The following PLEKHM3 variants were observed in gnomAD, a reference collection of about 807,000 sequenced individuals.
The protein encoded by PLEKHM3 is pleckstrin homology domain-containing family M member 3.
Under a neutral mutation model 81.8 loss-of-function variants are expected in PLEKHM3, and 45 were observed. The ratio of observed to expected loss-of-function variants is 0.55; its 90% CI spans 0.43 to 0.71. The LOEUF (loss-of-function observed/expected upper bound fraction) is 0.71. PLEKHM3 is among the 30% of genes least tolerant of loss of function. The pLI, the probability that PLEKHM3 is intolerant of heterozygous loss-of-function variation, is 0.00. For missense variants in PLEKHM3, 788 were observed against 924.3 expected (o/e 0.85, Z 1.91); for synonymous variants, 352 against 356.4 (o/e 0.99, Z 0.14).
chr2:207,989,306 A>C (rs146195779), intron 2 of PLEKHM3, among the ~76,000 whole-genome samples: 92 of 152,354 alleles, frequency 6.0e-4, no homozygotes, highest in Middle Eastern at 3.4e-3. Flanking sequence ...AGAGCCTTCT[A>C]ACACGCAAGA....
chr2:207,985,783 G>A (rs1458988724), intron 2 of PLEKHM3, among the ~76,000 whole-genome samples: 2 of 151,920 alleles, frequency 1.3e-5, no homozygotes, highest in Admixed American at 6.6e-5. Flanking sequence ...TCAGGAGATC[G>A]AGACCATCCT....
intron 3 of PLEKHM3, among the ~76,000 whole-genome samples, chr2:207,958,482 C>T (rs1256983909): frequency 6.6e-6 from 1 of 152,170 alleles, no homozygotes; most frequent in Non-Finnish European, 1.5e-5. Context: ...CAACATGGGG[C>T]TACCAGGATT....
At chr2:207,975,774 T>G (rs1341677878) in intron 3 of PLEKHM3, among the ~76,000 whole-genome samples, 1 of 151,702 alleles carries the variant, frequency 6.6e-6, no homozygotes, top group Non-Finnish European at 1.5e-5. Flanking sequence ...TTTTTGCACT[T>G]TTAGTAGAGA....
intron 2 of PLEKHM3, among the ~76,000 whole-genome samples, chr2:207,985,587 C>T (rs193146669): frequency 6.6e-6 from 1 of 152,074 alleles, no homozygotes; most frequent in Admixed American, 6.5e-5. Flanking sequence ...TAAATACATT[C>T]AGATAAAGTA....
chr2:207,972,535 C>T (rs10186630), intron 3 of PLEKHM3, among the ~76,000 whole-genome samples: 2,641 of 148,902 alleles, frequency 0.018, 82 homozygotes, highest in African/African-American at 0.062. Flanking sequence ...TGCAGTGAGC[C>T]GAGATCATAA....
intron 7 of PLEKHM3, among the ~76,000 whole-genome samples, chr2:207,859,863 C>T (rs2092457769): frequency 1.3e-5 from 2 of 152,202 alleles, no homozygotes; most frequent in South Asian, 2.1e-4. Context: ...TCCCAAAGTG[C>T]TGGGATTACA....
At chr2:207,887,623 A>C (rs1009681557) in intron 6 of PLEKHM3, among the ~76,000 whole-genome samples, 4 of 152,254 alleles carry the variant, frequency 2.6e-5, no homozygotes, top group Non-Finnish European at 4.4e-5. Context: ...ATCAGTAAAC[A>C]ATCAAATAAA....
chr2:207,839,632 T>C (rs1396944917), intron 7 of PLEKHM3, among the ~76,000 whole-genome samples: 2 of 152,136 alleles, frequency 1.3e-5, no homozygotes, highest in African/African-American at 2.4e-5. Context: ...CTAGAGAATT[T>C]GTTAGAAAGG....
At chr2:207,846,980 A>C (rs1343096962) in intron 7 of PLEKHM3, among the ~76,000 whole-genome samples, 1 of 152,234 alleles carries the variant, frequency 6.6e-6, no homozygotes, top group Non-Finnish European at 1.5e-5. Flanking sequence ...TTAGAAAGTT[A>C]AAATGAGTTA....
At chr2:207,949,078 G>A (rs974864348) in intron 3 of PLEKHM3, among the ~76,000 whole-genome samples, 1 of 152,090 alleles carries the variant, frequency 6.6e-6, no homozygotes, top group African/African-American at 2.4e-5. Context: ...GTACTATCTG[G>A]CACATGTACA....
intron 7 of PLEKHM3, among the ~76,000 whole-genome samples, chr2:207,844,345 C>A (rs2092371215): frequency 6.7e-6 from 1 of 149,286 alleles, no homozygotes; most frequent in Admixed American, 6.7e-5. Flanking sequence ...CTCTGTTGCC[C>A]AGGCTGGAGT....
intron 3 of PLEKHM3, among the ~76,000 whole-genome samples, chr2:207,949,201 G>T (rs1411550905): frequency 6.6e-6 from 1 of 152,176 alleles, no homozygotes; most frequent in Non-Finnish European, 1.5e-5. Flanking sequence ...TAATATCGCT[G>T]TTAAAATATG....
rs1400868315 is a variant in PLEKHM3, at chr2:207,844,365, C to T, written c.2109-15869G>A. ...TTGCCCAGGCTGGAGTGCAGTGGCGCGATCTCGGCTCACTGCAAGCTCCGC... is the reference window on the plus strand; with the variant it reads ...TTGCCCAGGCTGGAGTGCAGTGGCGTGATCTCGGCTCACTGCAAGCTCCGC... On this transcript the variant is annotated intron_variant, in intron 7 of 7. Transcript: ENST00000427836. 2.7e-5 allele frequency among the ~76,000 whole-genome samples: 4 copies of T among 148,412 alleles called. No individual in the cohort carries two copies. The East Asian group carries it at 6.0e-4, about 22-fold the overall frequency.
At chr2:207,846,872 T>C (rs1029586937) in intron 7 of PLEKHM3, among the ~76,000 whole-genome samples, 8 of 152,202 alleles carry the variant, frequency 5.3e-5, no homozygotes, top group African/African-American at 1.9e-4. Context: ...TATTTAAAAA[T>C]ACATATGTGT....
chr2:207,888,210 T>G (rs914174447), intron 6 of PLEKHM3, among the ~76,000 whole-genome samples: 2 of 152,230 alleles, frequency 1.3e-5, no homozygotes, highest in African/African-American at 4.8e-5. Flanking sequence ...ATTGCTAGGC[T>G]GCTTCTCCTC....
intron 7 of PLEKHM3, among the ~76,000 whole-genome samples, chr2:207,840,802 T>TC (rs1559202741): frequency 2.9e-5 from 4 of 140,114 alleles, no homozygotes; most frequent in African/African-American, 1.0e-4. Context: ...TTTTTATGTT[T>TC]TTTTTTTTTT....
In PLEKHM3 at chr2:207,822,606, C is replaced by T. The variant is rs1445492140; in HGVS notation, c.*5713G>A. ...AGAAGCCAATGTTTGTACCATTCTA[C>T]TTTAACGACGTGTTTCCGACATGAT... On this transcript the variant is annotated 3_prime_UTR_variant, in exon 8 of 8. Coordinates refer to ENST00000427836, the MANE Select transcript of PLEKHM3 (RefSeq NM_001080475.3). 1.3e-5 allele frequency: 2 copies of T among 152,784 alleles called. No homozygotes were observed. The highest frequency in any genetic ancestry group is 2.4e-5 in the African/African-American group (1 of 41,452). 9.5% of individuals were successfully genotyped at this position (152,784 alleles called of 1,614,324 possible).
chr2:208,015,999 G>C (rs528299084), intron 1 of PLEKHM3, among the ~76,000 whole-genome samples: 1 of 152,176 alleles, frequency 6.6e-6, no homozygotes, highest in Middle Eastern at 3.4e-3. Flanking sequence ...TTCGAGACCA[G>C]CCTGGCCAAA....
chr2:207,941,221 T>TAC (rs1689929186), intron 4 of PLEKHM3, among the ~76,000 whole-genome samples: 1 of 152,142 alleles, frequency 6.6e-6, no homozygotes, highest in Non-Finnish European at 1.5e-5. Flanking sequence ...GTAACACACT[T>TAC]ACAATGAAAG....
Sources: gnomAD v4.1 joint callset for allele counts (sites outside exome capture counted in the v4.1 genomes callset) on GRCh38, gnomAD v4.1.1 for gene constraint, MANE v1.5 for transcripts, NCBI Gene and HGNC (gene_info 2026-07-23, HGNC 2026-07-21) for gene names.